The following DRC7 variants were observed in gnomAD, a reference collection of about 807,000 sequenced individuals.
DRC7 encodes the protein coiled-coil domain containing 135.
Under a neutral mutation model 104.4 loss-of-function variants are expected in DRC7, and 80 were observed. The ratio of observed to expected loss-of-function variants is 0.77; its 90% CI spans 0.64 to 0.92. The LOEUF is 0.92. DRC7 is among the 40% of genes least tolerant of loss of function. DRC7 has a pLI of 0.00. For synonymous variants in DRC7, 405 were observed against 447.3 expected (o/e 0.91, Z 1.19); for missense variants, 1,034 against 1,141.1 (o/e 0.91, Z 1.35).
chr16:57,700,306 C>T (rs768149153), intron 5 of DRC7, 36 bp downstream of exon 5: 1 of 1,597,438 alleles, frequency 6.3e-7, no homozygotes, highest in Non-Finnish European at 8.6e-7. Flanking sequence ...CCTGAGCCCA[C>T]CAGGACTAAG....
rs766962704 is a variant in DRC7, at chr16:57,702,205, C to T, written c.699+75C>T. ...GGTGCTGTCGTGCCATCCTTAGAGACGTCCATCACTGCCGCCTCATCCCCA... is the reference window on the plus strand; with the variant it reads ...GGTGCTGTCGTGCCATCCTTAGAGATGTCCATCACTGCCGCCTCATCCCCA... On this transcript the variant is annotated intron_variant, in intron 6 of 18. Coordinates refer to ENST00000360716, the MANE Select transcript of DRC7 (RefSeq NM_001289162.2). 2.0e-4 allele frequency: 299 copies of T among 1,496,030 alleles called. 1 individual carries two copies. Among genetic ancestry groups the T allele is most frequent in the Non-Finnish European group, 2.6e-4 (285 of 1,094,976 alleles). The allele number at this position is 1,496,030 out of a possible 1,614,324, so 92.7% of individuals were successfully genotyped here. A position where few individuals can be genotyped will look rare whatever the true frequency, so the allele number is the denominator to read the frequency against.
chr16:57,702,758 C>T (rs576419603), intron 6 of DRC7, among the ~76,000 whole-genome samples: 4 of 152,168 alleles, frequency 2.6e-5, no homozygotes, highest in East Asian at 1.9e-4. Flanking sequence ...ACTGAGATTG[C>T]GCCATTGCAC....
chr16:57,702,299 C>A (rs896694378), intron 6 of DRC7, among the ~76,000 whole-genome samples, 169 bp downstream of exon 6: 1 of 152,162 alleles, frequency 6.6e-6, no homozygotes, highest in Admixed American at 6.5e-5. Flanking sequence ...ATATTTCAAA[C>A]CACCAGTGAT....
chr16:57,716,133 A>G (rs1263283506), intron 8 of DRC7, among the ~76,000 whole-genome samples: 1 of 152,236 alleles, frequency 6.6e-6, no homozygotes, highest in African/African-American at 2.4e-5. Context: ...AATAGAACTT[A>G]AGTTAAAGTA....
chr16:57,719,035 CA>C (rs1268274287), intron 9 of DRC7, among the ~76,000 whole-genome samples: 1 of 147,878 alleles, frequency 6.8e-6, no homozygotes. Context: ...AGAGCGGGGT[CA>C]TAACACCCCG....
intron 6 of DRC7, 146 bp from the exon 7 acceptor site, chr16:57,704,730 A>G: frequency 3.8e-6 from 3 of 791,888 alleles, no homozygotes; most frequent in South Asian, 1.9e-5. Flanking sequence ...CTGGAGCTGC[A>G]TTTAGAGCCA....
intron 17 of DRC7, among the ~76,000 whole-genome samples, chr16:57,730,561 A>T (rs1296534645): frequency 6.6e-6 from 1 of 152,030 alleles, no homozygotes; most frequent in Non-Finnish European, 1.5e-5. Context: ...CACTACTAAG[A>T]TTATGTCACT....
At chr16:57,730,583 A>G (rs1225807612) in intron 17 of DRC7, among the ~76,000 whole-genome samples, 1 of 152,094 alleles carries the variant, frequency 6.6e-6, no homozygotes, top group Non-Finnish European at 1.5e-5. Flanking sequence ...AATCTTCACA[A>G]GGAGCTCTAC....
Position 57,704,935 on chromosome 16 carries a change from C to T in DRC7, c.759C>T (p.Asp253=), listed in dbSNP as rs1448594858. 5 of 1,613,826 alleles carry T rather than the reference C, an allele frequency of 3.1e-6. No homozygotes were observed. Among genetic ancestry groups the T allele is most frequent in the African/African-American group, 2.7e-5 (2 of 75,010 alleles). ...PKKYTIKPPR[D]LCSRFEQEQE... ...AGTATACCATCAAACCCCCCAGGGA[C>T]CTGTGCAGCAGGTTTGAGCAGGAGC... The change falls in exon 7 of 19, where the codon GAC becomes GAT. Residue 253 remains aspartate, a synonymous_variant. Coordinates refer to ENST00000360716, the MANE Select transcript of DRC7 (RefSeq NM_001289162.2).
intron 8 of DRC7, among the ~76,000 whole-genome samples, chr16:57,711,630 G>A (rs62039914): frequency 0.035 from 5,269 of 152,290 alleles, 118 homozygotes; most frequent in Non-Finnish European, 0.048. Flanking sequence ...TTCAAGACTG[G>A]GGAATTGCAA....
intron 7 of DRC7, among the ~76,000 whole-genome samples, chr16:57,705,322 C>T (rs545214423): frequency 6.6e-6 from 1 of 152,140 alleles, no homozygotes; most frequent in African/African-American, 2.4e-5. Flanking sequence ...TGGGGATATA[C>T]CTGCATACAC....
At position 57,728,072 on chromosome 16, in the gene DRC7, C is replaced by T. The variant is rs547913430; in HGVS notation, c.2197-318C>T. On this transcript the variant is annotated intron_variant, in intron 16 of 18. Transcript: ENST00000360716. ...TAACCACTACCGTTGACTGAATAAG[C>T]ATCTACTATGGATTGTCAGGCATCA... Among the ~76,000 whole-genome samples, 4 of 152,346 alleles carry T rather than the reference C, an allele frequency of 2.6e-5. No individual in the cohort carries two copies. In the South Asian group the frequency reaches 8.3e-4, roughly 32 times the overall value.
chr16:57,719,762 C>A (rs549596314), intron 9 of DRC7, among the ~76,000 whole-genome samples: 3 of 152,282 alleles, frequency 2.0e-5, no homozygotes, highest in Admixed American at 2.0e-4. Context: ...CTTGCCTTGG[C>A]CTCCCAAAGT....
chr16:57,705,833 T>C (rs1483384191), intron 7 of DRC7, among the ~76,000 whole-genome samples: 8 of 126,184 alleles, frequency 6.3e-5, no homozygotes, highest in South Asian at 3.0e-4. Flanking sequence ...CTCCCATCCA[T>C]CCATCCTCCC....
rs77435634 is a variant in DRC7, at chr16:57,697,880, T to C, written c.-37-33T>C. 6,950 of 1,547,710 alleles carry C rather than the reference T, an allele frequency of 4.5e-3. 26 individuals carry two copies. The highest frequency in any genetic ancestry group is 6.3e-3 in the Middle Eastern group (26 of 4,128). Reference sequence around the variant, plus strand: ...TGGTGGCTCCTGCCTGGGCTGACAGTCGGCCATGGAGTATACTTACCCTTC... The same window carrying C: ...TGGTGGCTCCTGCCTGGGCTGACAGCCGGCCATGGAGTATACTTACCCTTC... On this transcript the variant is annotated intron_variant, in intron 2 of 18. Transcript: ENST00000360716.
Position 57,723,092 on chromosome 16 carries a change from C to T in DRC7, c.1499C>T (p.Thr500Ile), listed in dbSNP as rs1341249784. Residue 500 changes from threonine (T) to isoleucine (I), a missense_variant, in exon 12 of 19, where the codon ACA becomes ATA. Transcript: ENST00000360716. Reference protein sequence around the residue: ...KHINKTTDLKTDYFKPGHPQA... With the variant: ...KHINKTTDLKIDYFKPGHPQA... The stretch of plus-strand genomic sequence containing the variant: ...ATAAACAAGACCACAGACCTGAAGA[C>T]AGACTACTTCAAGCCTGGCCACCCC... 1 of 1,613,890 alleles carries T rather than the reference C, an allele frequency of 6.2e-7. No individual in the cohort carries two copies. Among genetic ancestry groups the T allele is most frequent in the East Asian group, 2.2e-5 (1 of 44,878 alleles).
At chr16:57,723,184 A>AC in intron 12 of DRC7, 54 bp downstream of exon 12, 1 of 1,593,528 alleles carries the variant, frequency 6.3e-7, no homozygotes, top group Non-Finnish European at 8.6e-7. Context: ...GAGGCCTCAC[A>AC]CACCCTGTGG....
chr16:57,731,647 A>C lies in DRC7; in HGVS notation c.*389A>C. Reference sequence around the variant, plus strand: ...TCTGCAAACAACTGGTTATATCTCAATGTGACTAGGGTGGCCCACCTCACC... The same window carrying C: ...TCTGCAAACAACTGGTTATATCTCACTGTGACTAGGGTGGCCCACCTCACC... On this transcript the variant is annotated 3_prime_UTR_variant, in exon 19 of 19. Coordinates refer to ENST00000360716, the MANE Select transcript of DRC7 (RefSeq NM_001289162.2). The C allele has an allele frequency of 4.5e-6, 1 of 223,240 alleles. No individual in the cohort carries two copies. The allele number at this position is 223,240 out of a possible 1,614,324, so 13.8% of individuals were successfully genotyped here. A position where few individuals can be genotyped will look rare whatever the true frequency, so the allele number is the denominator to read the frequency against.
At chr16:57,712,400 G>T (rs2048798699) in intron 8 of DRC7, among the ~76,000 whole-genome samples, 2 of 152,104 alleles carry the variant, frequency 1.3e-5, no homozygotes, top group African/African-American at 2.4e-5. Context: ...GTGTTGCCTT[G>T]GCCCCGTTTT....
Sources: allele counts gnomAD v4.1 joint callset (sites outside exome capture counted in the v4.1 genomes callset), GRCh38; gene constraint gnomAD v4.1.1; transcripts MANE v1.5; gene names NCBI Gene and HGNC (gene_info 2026-07-23, HGNC 2026-07-21).